The following SH3GL2 variants were observed in gnomAD, a reference collection of about 807,000 sequenced individuals.
SH3GL2 encodes the protein endophilin-A1.
Under a neutral mutation model 46.0 loss-of-function variants are expected in SH3GL2, and 24 were observed. The ratio of observed to expected loss-of-function variants is 0.52; its 90% CI spans 0.38 to 0.73. The LOEUF (loss-of-function observed/expected upper bound fraction) is 0.73. Ranked by LOEUF, SH3GL2 falls within the 30% of genes least tolerant of loss-of-function variation. The pLI is 0.00. For synonymous variants in SH3GL2, 196 were observed against 147.1 expected, an observed-to-expected ratio of 1.33 and a Z score of -2.40; for missense variants, 413 against 424.2, an observed-to-expected ratio of 0.97 and a Z score of 0.23.
intron 1 of SH3GL2, among the ~76,000 whole-genome samples, chr9:17,628,280 A>G (rs78288219): frequency 2.3e-3 from 354 of 152,278 alleles, no homozygotes; most frequent in East Asian, 0.014. Context: ...TTCTGTATAC[A>G]TGCCTTCTAT....
At chr9:17,762,398 TCAAA>T (rs1275309499) in intron 3 of SH3GL2, among the ~76,000 whole-genome samples, 3 of 139,476 alleles carry the variant, frequency 2.2e-5, no homozygotes, top group African/African-American at 8.1e-5. Context: ...GGACAAGTGA[TCAAA>T]AAAAAAAAAA....
intron 2 of SH3GL2, among the ~76,000 whole-genome samples, chr9:17,753,536 G>A (rs1822906663): frequency 6.6e-6 from 1 of 151,920 alleles, no homozygotes; most frequent in Non-Finnish European, 1.5e-5. Context: ...TTTTTTTCTT[G>A]TAAATTTCTT....
At chr9:17,653,017 C>T (rs1424149905) in intron 1 of SH3GL2, among the ~76,000 whole-genome samples, 2 of 152,038 alleles carry the variant, frequency 1.3e-5, no homozygotes, top group African/African-American at 4.8e-5. Flanking sequence ...CATGGGGTTT[C>T]TTCCATTTTA....
At chr9:17,592,130 G>T (rs1818495625) in intron 1 of SH3GL2, among the ~76,000 whole-genome samples, 2 of 152,184 alleles carry the variant, frequency 1.3e-5, no homozygotes, top group Admixed American at 1.3e-4. Flanking sequence ...AGGCCCCGGG[G>T]AGCTGCTGGT....
At chr9:17,783,889 A>G (rs1823882073) in intron 3 of SH3GL2, among the ~76,000 whole-genome samples, 1 of 152,168 alleles carries the variant, frequency 6.6e-6, no homozygotes, top group Non-Finnish European at 1.5e-5. Flanking sequence ...TTGAGAGTAT[A>G]TAATAGGAAT....
At chr9:17,781,793 C>G (rs180807983) in intron 3 of SH3GL2, among the ~76,000 whole-genome samples, 1 of 152,096 alleles carries the variant, frequency 6.6e-6, no homozygotes, top group Non-Finnish European at 1.5e-5. Context: ...TCTCCCTTTA[C>G]GGTTCACTCT....
chr9:17,741,144 T>C (rs985997032), intron 1 of SH3GL2, among the ~76,000 whole-genome samples: 4 of 152,306 alleles, frequency 2.6e-5, no homozygotes, highest in African/African-American at 9.6e-5. Context: ...AACCTATGCA[T>C]ACTTAATTTA....
In SH3GL2 at chr9:17,796,083, T is replaced by G; in HGVS notation, c.*340T>G. 1 of 244,784 alleles carries G rather than the reference T, an allele frequency of 4.1e-6. No individual in the cohort carries two copies. Among genetic ancestry groups the G allele is most frequent in the Non-Finnish European group, 8.0e-6 (1 of 125,362 alleles). 15.2% of individuals were successfully genotyped at this position (244,784 alleles called of 1,614,324 possible). ...AAAAACCATCCCACCGAAGATATTG[T>G]CTATCACCCCAGGGGCCATCTGAAG... On this transcript the variant is annotated 3_prime_UTR_variant, in exon 9 of 9. Coordinates refer to ENST00000380607, the MANE Select transcript of SH3GL2 (RefSeq NM_003026.5).
At chr9:17,635,145 C>T (rs1479942485) in intron 1 of SH3GL2, among the ~76,000 whole-genome samples, 6 of 152,086 alleles carry the variant, frequency 3.9e-5, no homozygotes, top group Admixed American at 3.3e-4. Context: ...CCACACCTAC[C>T]ACCCTCCTAT....
intron 1 of SH3GL2, among the ~76,000 whole-genome samples, chr9:17,646,100 T>C (rs1563796008): frequency 6.6e-6 from 1 of 152,012 alleles, no homozygotes; most frequent in East Asian, 1.9e-4. Context: ...TATTCTTGTC[T>C]TCATGCTTTA....
At chr9:17,674,923 C>T (rs1218024179) in intron 1 of SH3GL2, among the ~76,000 whole-genome samples, 2 of 152,046 alleles carry the variant, frequency 1.3e-5, no homozygotes, top group Non-Finnish European at 2.9e-5. Context: ...GTGCAAGTGA[C>T]CAGACCAGCC....
chr9:17,603,395 A>C (rs1818705312), intron 1 of SH3GL2, among the ~76,000 whole-genome samples: 1 of 152,172 alleles, frequency 6.6e-6, no homozygotes, highest in South Asian at 2.1e-4. Flanking sequence ...TAAAAAGCCA[A>C]AGACTCTGTG....
At chr9:17,644,742 A>C (rs1345470225) in intron 1 of SH3GL2, among the ~76,000 whole-genome samples, 1 of 152,076 alleles carries the variant, frequency 6.6e-6, no homozygotes, top group Non-Finnish European at 1.5e-5. Context: ...TTTACTTCCA[A>C]TTATGTGGTC....
At chr9:17,596,784 G>T (rs1818578748) in intron 1 of SH3GL2, among the ~76,000 whole-genome samples, 1 of 152,088 alleles carries the variant, frequency 6.6e-6, no homozygotes, top group Admixed American at 6.6e-5. Context: ...CATAAAAATG[G>T]AAAAAACACT....
chr9:17,788,974 G>C (rs1321716187), intron 5 of SH3GL2, among the ~76,000 whole-genome samples: 1 of 152,192 alleles, frequency 6.6e-6, no homozygotes, highest in Non-Finnish European at 1.5e-5. Context: ...TTCAAGGAAA[G>C]AGTTTTTCCT....
intron 1 of SH3GL2, among the ~76,000 whole-genome samples, chr9:17,659,503 A>G (rs1311888588): frequency 1.3e-5 from 2 of 152,032 alleles, no homozygotes; most frequent in South Asian, 2.1e-4. Flanking sequence ...GGTTGGAGAG[A>G]TATTAATGAA....
chr9:17,685,729 C>T (rs975929118), intron 1 of SH3GL2, among the ~76,000 whole-genome samples: 12 of 151,846 alleles, frequency 7.9e-5, no homozygotes, highest in African/African-American at 2.9e-4. Context: ...GCTTGTTTTT[C>T]TCAGGTTTGT....
intron 1 of SH3GL2, among the ~76,000 whole-genome samples, chr9:17,690,053 G>C (rs184084523): frequency 6.6e-6 from 1 of 152,040 alleles, no homozygotes; most frequent in Non-Finnish European, 1.5e-5. Flanking sequence ...CGCACATTCT[G>C]TGTGACTCTT....
At chr9:17,638,013 C>T (rs1399797261) in intron 1 of SH3GL2, among the ~76,000 whole-genome samples, 6 of 151,916 alleles carry the variant, frequency 3.9e-5, no homozygotes, top group African/African-American at 7.3e-5. Flanking sequence ...AAAAATTAGC[C>T]GGGCATGGTG....
Sources: gnomAD v4.1 joint callset for allele counts (sites outside exome capture counted in the v4.1 genomes callset) on GRCh38, gnomAD v4.1.1 for gene constraint, MANE v1.5 for transcripts, NCBI Gene and HGNC (gene_info 2026-07-23, HGNC 2026-07-21) for gene names.